MAP3K1: variants seen among roughly 807,000 people sequenced by gnomAD.
MAP3K1 encodes the protein mitogen-activated protein kinase kinase kinase 1.
Under a neutral mutation model 144.2 loss-of-function variants are expected in MAP3K1, and 36 were observed. The ratio of observed to expected loss-of-function variants is 0.25; its 90% CI spans 0.19 to 0.33. The LOEUF is 0.33. Ranked by LOEUF, MAP3K1 falls within the 10% of genes least tolerant of loss-of-function variation. MAP3K1 has a pLI of 1.00. For synonymous variants in MAP3K1, 718 were observed against 688.7 expected (o/e 1.04, Z -0.67); for missense variants, 1,650 against 1,881.9 (o/e 0.88, Z 2.28).
intron 1 of MAP3K1, among the ~76,000 whole-genome samples, chr5:56,817,881 C>T (rs1006700534): frequency 1.3e-5 from 2 of 152,128 alleles, no homozygotes; most frequent in Admixed American, 6.5e-5. Flanking sequence ...TGTCTCTTGA[C>T]ACAAAATAAG....
At chr5:56,847,354 C>A (rs1416844562) in intron 1 of MAP3K1, among the ~76,000 whole-genome samples, 1 of 152,172 alleles carries the variant, frequency 6.6e-6, no homozygotes, top group African/African-American at 2.4e-5. Context: ...CCCAGTACTT[C>A]GGGAGGCCGA....
intron 1 of MAP3K1, among the ~76,000 whole-genome samples, chr5:56,829,450 A>C (rs1176177170): frequency 6.6e-6 from 1 of 151,430 alleles, no homozygotes; most frequent in Non-Finnish European, 1.5e-5. Flanking sequence ...GGCCTCCCAG[A>C]ATGCCAGGCT....
chr5:56,894,258 A>C lies in MAP3K1; in HGVS notation c.*578A>C, dbSNP rs1748638798. 4.3e-6 allele frequency: 1 copy of C among 233,356 alleles called. No homozygotes were observed. The highest frequency in any genetic ancestry group is 6.1e-5 in the East Asian group (1 of 16,522). The allele number at this position is 233,356 out of a possible 1,614,324, so 14.5% of individuals were successfully genotyped here. On this transcript the variant is annotated 3_prime_UTR_variant, in exon 20 of 20. Coordinates refer to ENST00000399503, the MANE Select transcript of MAP3K1 (RefSeq NM_005921.2). ...CCAGGGCAGTTGTGGCTCATTGTGCATTTTACTGTTGGCCCATTCATTTCG... is the reference window on the plus strand; with the variant it reads ...CCAGGGCAGTTGTGGCTCATTGTGCCTTTTACTGTTGGCCCATTCATTTCG...
At chr5:56,858,205 T>C (rs1747396931) in intron 2 of MAP3K1, among the ~76,000 whole-genome samples, 2 of 152,252 alleles carry the variant, frequency 1.3e-5, no homozygotes, top group African/African-American at 4.8e-5. Context: ...TTGAATGTGC[T>C]GCTTTCTGAG....
At chr5:56,877,160 T>C (rs1030402710) in intron 10 of MAP3K1, among the ~76,000 whole-genome samples, 5 of 152,320 alleles carry the variant, frequency 3.3e-5, no homozygotes, top group Non-Finnish European at 7.4e-5. Flanking sequence ...CAGCATACTA[T>C]AGAATAAAGA....
intron 1 of MAP3K1, among the ~76,000 whole-genome samples, chr5:56,826,143 T>TA (rs1308484393): frequency 6.6e-6 from 1 of 152,168 alleles, no homozygotes; most frequent in African/African-American, 2.4e-5. Flanking sequence ...CCAATGCTCT[T>TA]ACCTCTATCT....
chr5:56,890,287 C>T (rs867803275), intron 19 of MAP3K1, among the ~76,000 whole-genome samples: 1 of 152,132 alleles, frequency 6.6e-6, no homozygotes, highest in African/African-American at 2.4e-5. Flanking sequence ...ACCCTGGAAA[C>T]AATTGTAAAT....
chr5:56,827,639 G>A (rs1366181585), intron 1 of MAP3K1, among the ~76,000 whole-genome samples: 1 of 152,140 alleles, frequency 6.6e-6, no homozygotes, highest in African/African-American at 2.4e-5. Context: ...TGAGGCGGGT[G>A]GATCACCTGA....
At position 56,887,407 on chromosome 5, in the gene MAP3K1, C is replaced by T. The variant is rs771296519; in HGVS notation, c.4144C>T (p.Gln1382Ter). The change falls in exon 18 of 20, where the codon CAG (glutamine) becomes TAG (stop). Residue 1382 changes from glutamine to a stop codon, truncating the protein, a stop_gained. Coordinates refer to ENST00000399503, the MANE Select transcript of MAP3K1 (RefSeq NM_005921.2). LOFTEE classifies it high-confidence loss of function. ...CAATTTGCTAATTGACAGCACTGGT[C>T]AGAGACTAAGAATTGCAGATTTTGG... ...GANLLIDSTG[Q>*]RLRIADFGAA... The T allele has an allele frequency of 6.2e-7, 1 of 1,614,118 alleles. No homozygotes were observed. The highest frequency in any genetic ancestry group is 8.5e-7 in the Non-Finnish European group (1 of 1,180,016).
chr5:56,844,418 A>C (rs1034778076), intron 1 of MAP3K1, among the ~76,000 whole-genome samples: 1 of 151,774 alleles, frequency 6.6e-6, no homozygotes, highest in Admixed American at 6.6e-5. Flanking sequence ...TGACCTCGTG[A>C]TCCGCCCGCC....
chr5:56,855,260 G>A (rs1042481889), intron 1 of MAP3K1, among the ~76,000 whole-genome samples: 1 of 151,302 alleles, frequency 6.6e-6, no homozygotes, highest in Admixed American at 6.6e-5. Flanking sequence ...AGCATAAAAA[G>A]CAGCCAAGCA....
rs1354702652 is a variant in MAP3K1, at chr5:56,881,198, G to A, written c.2295G>A (p.Leu765=). The change falls in exon 13 of 20, where the codon TTG becomes TTA. Residue 765 remains leucine (L), a synonymous_variant. Coordinates refer to ENST00000399503, the MANE Select transcript of MAP3K1 (RefSeq NM_005921.2). ...LGRLCLIDRL[L]LEFPAEFYPH... ...GCCTTTGTCTTATAGATAGACTGTT[G>A]TTGGAATTTCCTGCTGAATTTTATC... The A allele has an allele frequency of 6.2e-7, 1 of 1,613,750 alleles. No homozygotes were observed. Among genetic ancestry groups the A allele is most frequent in the Admixed American group, 1.7e-5 (1 of 59,982 alleles).
chr5:56,885,527 C>T (rs937207564), intron 16 of MAP3K1, among the ~76,000 whole-genome samples: 7 of 152,202 alleles, frequency 4.6e-5, no homozygotes, highest in Non-Finnish European at 8.8e-5. Flanking sequence ...TAGAATATGA[C>T]GCCTAACTCT....
rs1748680104 is a variant in MAP3K1, at chr5:56,895,595, C to T, written c.*1915C>T. 1 of 232,290 alleles carries T rather than the reference C, an allele frequency of 4.3e-6. No homozygotes were observed. Among genetic ancestry groups the T allele is most frequent in the African/African-American group, 2.2e-5 (1 of 45,312 alleles). 14.4% of individuals were successfully genotyped at this position (232,290 alleles called of 1,614,324 possible). The stretch of plus-strand genomic sequence containing the variant: ...ATGCCCACCACATTTCAAACTCAAA[C>T]TATCTGTAGATTTCAAAATCCATTG... On this transcript the variant is annotated 3_prime_UTR_variant, in exon 20 of 20. Transcript: ENST00000399503.
intron 6 of MAP3K1, 146 bp downstream of exon 6, chr5:56,866,123 T>A: frequency 1.2e-6 from 1 of 801,250 alleles, no homozygotes; most frequent in Non-Finnish European, 2.0e-6. Context: ...GTGAAGATAC[T>A]AAAAGTTCGC....
chr5:56,856,874 G>C, intron 2 of MAP3K1, 124 bp downstream of exon 2: 1 of 1,017,196 alleles, frequency 9.8e-7, no homozygotes, highest in Non-Finnish European at 1.5e-6. Context: ...TTCTTTACTT[G>C]ATATTGTGGT....
chr5:56,817,819 T>C (rs902948564), intron 1 of MAP3K1, among the ~76,000 whole-genome samples: 1 of 152,228 alleles, frequency 6.6e-6, no homozygotes, highest in African/African-American at 2.4e-5. Flanking sequence ...GAGCTGTGAA[T>C]ATAGTAGAAG....
At chr5:56,880,976 A>G in intron 12 of MAP3K1, 107 bp from the exon 13 acceptor site, 25 of 1,104,592 alleles carry the variant, frequency 2.3e-5, no homozygotes, top group Non-Finnish European at 3.3e-5. Context: ...AAATTCTTTA[A>G]AATAGTTCAG....
rs1329254917 is a variant in MAP3K1 at position 56,893,543 on chromosome 5, A to C, written c.4402A>C (p.Thr1468Pro). 2 of 1,613,880 alleles carry C rather than the reference A, an allele frequency of 1.2e-6. No homozygotes were observed. Among genetic ancestry groups the C allele is most frequent in the Non-Finnish European group, 1.7e-6 (2 of 1,179,824 alleles). ...LALIFKIASA[T>P]TAPSIPSHLS... ...TTTTTCTCCACAGATTGCTAGTGCA[A>C]CTACTGCTCCATCGATCCCTTCACA... Residue 1468 changes from threonine (T) to proline (P), a missense_variant, in exon 20 of 20, where the codon ACT becomes CCT. Transcript: ENST00000399503.
Sources: gnomAD v4.1 joint callset for allele counts (sites outside exome capture counted in the v4.1 genomes callset) on GRCh38, gnomAD v4.1.1 for gene constraint, MANE v1.5 for transcripts, NCBI Gene and HGNC (gene_info 2026-07-23, HGNC 2026-07-21) for gene names.